Variants in DHX32 observed in about 807,000 individuals in gnomAD.
The protein encoded by DHX32 is putative pre-mRNA-splicing factor ATP-dependent RNA helicase DHX32.
A neutral mutation model predicts 70.0 loss-of-function variants in DHX32; 51 were observed. That is an observed-to-expected ratio of 0.73 (90% CI 0.58 to 0.92). The LOEUF is 0.92. DHX32 is among the 40% of genes least tolerant of loss of function. The pLI is 0.00. For missense variants in DHX32, 762 were observed against 891.8 expected, an observed-to-expected ratio of 0.85 and a Z score of 1.85; for synonymous variants, 310 against 315.3, an observed-to-expected ratio of 0.98 and a Z score of 0.18.
At chr10:125,880,429 G>T in intron 1 of DHX32, 114 bp downstream of exon 1, 1 of 1,095,756 alleles carries the variant, frequency 9.1e-7, no homozygotes, top group Non-Finnish European at 1.3e-6. Context: ...TCTGAATAAT[G>T]TTTTGTTTTT....
At position 125,838,381 on chromosome 10, in the gene DHX32, G is replaced by C; in HGVS notation, c.1888C>G (p.Arg630Gly). Reference protein sequence around the residue: ...LLSGYFMQIARDVDGSGNYLM... With the variant: ...LLSGYFMQIAGDVDGSGNYLM... ...TAGTTACCTGATCCATCAACATCCC[G>C]AGCAATCTGAAAGGCAGAATTTTAA... Residue 630 changes from arginine to glycine, a missense_variant, in exon 10 of 11, where the codon CGG becomes GGG. This residue lies in a region of DHX32 where 366 missense variants were observed against 402.6 expected (regional missense o/e 0.91). Transcript: ENST00000284690. 6.4e-7 allele frequency: 1 copy of C among 1,570,838 alleles called. No homozygotes were observed. Among genetic ancestry groups the C allele is most frequent in the Non-Finnish European group, 8.6e-7 (1 of 1,162,982 alleles).
At chr10:125,879,738 A>G (rs564573528) in intron 1 of DHX32, among the ~76,000 whole-genome samples, 2 of 152,180 alleles carry the variant, frequency 1.3e-5, no homozygotes, top group South Asian at 2.1e-4. Flanking sequence ...TGCAGCCTCA[A>G]CTTCCCAGGT....
intron 8 of DHX32, among the ~76,000 whole-genome samples, chr10:125,840,410 C>A (rs1388251664): frequency 4.6e-5 from 7 of 152,232 alleles, no homozygotes; most frequent in African/African-American, 1.7e-4. Context: ...ACCTATTCTG[C>A]ACTAGTATCT....
At chr10:125,887,406 T>C (rs75999013) in intron 1 of DHX32, among the ~76,000 whole-genome samples, 1 of 152,126 alleles carries the variant, frequency 6.6e-6, no homozygotes, top group Non-Finnish European at 1.5e-5. Context: ...TGGTACCTAA[T>C]TGCAGAGAAA....
chr10:125,889,481 T>C (rs564588679), intron 1 of DHX32, among the ~76,000 whole-genome samples: 2 of 152,346 alleles, frequency 1.3e-5, no homozygotes, highest in African/African-American at 4.8e-5. Context: ...ACGTCAACTC[T>C]GGTGCTGGTT....
chr10:125,893,027 G>A (rs1300523410), intron 1 of DHX32, among the ~76,000 whole-genome samples: 2 of 152,208 alleles, frequency 1.3e-5, no homozygotes, highest in Admixed American at 1.3e-4. Flanking sequence ...CATGCACTTA[G>A]CTCCAAACAT....
chr10:125,841,316 C>A, intron 7 of DHX32: 1 of 1,613,926 alleles, frequency 6.2e-7, no homozygotes, highest in Non-Finnish European at 8.5e-7. Context: ...GAACCAGTTC[C>A]GATACAGCAC....
At chr10:125,882,039 C>G (rs1302953880), upstream of DHX32, among the ~76,000 whole-genome samples, 1 of 152,112 alleles carries the variant, frequency 6.6e-6, no homozygotes, top group African/African-American at 2.4e-5. Context: ...CATGTCAGCT[C>G]CAAGAGGCCA....
chr10:125,881,810 T>C (rs1043268716), upstream of DHX32, among the ~76,000 whole-genome samples: 2 of 152,126 alleles, frequency 1.3e-5, no homozygotes, highest in Non-Finnish European at 2.9e-5. Flanking sequence ...TCCAGCTAAT[T>C]TCTGTATTTT....
At chr10:125,873,836 C>T (rs900418334) in intron 1 of DHX32, among the ~76,000 whole-genome samples, 7 of 152,150 alleles carry the variant, frequency 4.6e-5, no homozygotes, top group Admixed American at 2.6e-4. Context: ...ACAGGTAGAA[C>T]CTACCAGCAG....
Position 125,854,169 on chromosome 10 carries a change from C to A in DHX32, c.884G>T (p.Gly295Val), listed in dbSNP as rs749109426. 6.2e-7 allele frequency: 1 copy of A among 1,611,734 alleles called. No homozygotes were observed. The highest frequency in any genetic ancestry group is 1.7e-5 in the Admixed American group (1 of 59,612). ...IEKVCETVYQGSNLNPDLGEL... is the reference protein window; with the variant it reads ...IEKVCETVYQVSNLNPDLGEL... ...TCCAAGATCTGGGTTTAGGTTAGAT[C>A]CTTGATAGACAGTTTCACAGACTTT... Residue 295 changes from glycine (G) to valine (V), a missense_variant, in exon 4 of 11, where the codon GGA becomes GTA. By Grantham distance (109) the Gly-to-Val change is moderately radical (BLOSUM62 -3). Around this residue, in one of 3 missense-constraint regions of DHX32, gnomAD observed 394 missense variants for 473.1 expected, o/e 0.83. Coordinates refer to ENST00000284690, the MANE Select transcript of DHX32 (RefSeq NM_018180.3).
Position 125,840,978 on chromosome 10 carries a change from T to C in DHX32, c.1562A>G (p.His521Arg), listed in dbSNP as rs1031271369. 11 of 1,602,756 alleles carry C rather than the reference T, an allele frequency of 6.9e-6. No homozygotes were observed. Among genetic ancestry groups the C allele is most frequent in the Non-Finnish European group, 9.4e-6 (11 of 1,172,596 alleles). Residue 521 changes from histidine (H) to arginine (R), a missense_variant, in exon 8 of 11, where the codon CAT becomes CGT. Transcript: ENST00000284690. ...AGCCTCTTCAGCTCCATGTGGCACA[T>C]GTGAAAAGCAATTTGGAGCTTCAAA... ...AMVTAPNCFSHVPHGAEEAAL... is the reference protein window; with the variant it reads ...AMVTAPNCFSRVPHGAEEAAL...
chr10:125,857,891 T>TA (rs937913050), intron 3 of DHX32, among the ~76,000 whole-genome samples: 2 of 150,778 alleles, frequency 1.3e-5, no homozygotes, highest in Non-Finnish European at 3.0e-5. Flanking sequence ...TTTTTTTTTT[T>TA]AATTTTTCAT....
rs1280699962 is a variant in DHX32, at chr10:125,877,455, G to C, written c.282+3088C>G. Among the ~76,000 whole-genome samples the C allele has an allele frequency of 2.0e-5, 3 of 152,130 alleles. No individual in the cohort carries two copies. In the South Asian group the frequency reaches 6.2e-4, roughly 32 times the overall value. On this transcript the variant is annotated intron_variant, in intron 1 of 10. Coordinates refer to ENST00000284690, the MANE Select transcript of DHX32 (RefSeq NM_018180.3). ...TAATCCCAGCACTTTGGGAGGTGAAGGTGGGAGGATCGCTTGAGCCCAGGA... is the reference window on the plus strand; with the variant it reads ...TAATCCCAGCACTTTGGGAGGTGAACGTGGGAGGATCGCTTGAGCCCAGGA...
intron 7 of DHX32, chr10:125,841,451 A>G (rs1204223248): frequency 1.7e-5 from 26 of 1,541,600 alleles, no homozygotes; most frequent in Non-Finnish European, 2.1e-5. Context: ...CTAGTGACAC[A>G]TTTTCTTCAT....
Position 125,892,213 on chromosome 10 carries a change from C to A in DHX32, c.-248+4005G>T, listed in dbSNP as rs4994423. On this transcript the variant is annotated intron_variant, in intron 1 of 2. Transcript: ENST00000415732. ...TCCTCATCTCCTATATCACCAAGAT[C>A]TGCCAATTCTACCTTTTTTAGTGGC... Among the ~76,000 whole-genome samples, 5 of 134,366 alleles carry A rather than the reference C, an allele frequency of 3.7e-5. No individual in the cohort carries two copies. In the Admixed American group the frequency reaches 3.8e-4, roughly 10 times the overall value. 88.1% of individuals were successfully genotyped at this position (134,366 alleles called of 152,430 possible). A position where few individuals can be genotyped will look rare whatever the true frequency, so the allele number is the denominator to read the frequency against.
chr10:125,879,728 T>G (rs539863186), intron 1 of DHX32, among the ~76,000 whole-genome samples: 19 of 152,286 alleles, frequency 1.2e-4, no homozygotes, highest in Admixed American at 1.2e-3. Context: ...CACAGCTCAC[T>G]GCAGCCTCAA....
At chr10:125,864,879 G>T (rs1944209825) in intron 2 of DHX32, among the ~76,000 whole-genome samples, 1 of 127,014 alleles carries the variant, frequency 7.9e-6, no homozygotes, top group South Asian at 2.6e-4. Flanking sequence ...GAAGTGAGCT[G>T]AGATCGTGCC....
chr10:125,841,344 C>T (rs758684930), intron 7 of DHX32: 1 of 1,613,964 alleles, frequency 6.2e-7, no homozygotes, highest in South Asian at 1.1e-5. Context: ...GGTCTGTTCC[C>T]CCAGTATTAG....
Sources: allele counts gnomAD v4.1 joint callset (sites outside exome capture counted in the v4.1 genomes callset), GRCh38; gene constraint gnomAD v4.1.1; regional missense constraint gnomAD v4.1.1; transcripts MANE v1.5; gene names NCBI Gene and HGNC (gene_info 2026-07-23, HGNC 2026-07-21).